FAM47E: variants seen among roughly 807,000 people sequenced by gnomAD.
FAM47E encodes protein FAM47E.
In FAM47E, 32 loss-of-function variants were observed where a neutral mutation model predicts 41.6. That is an observed-to-expected ratio of 0.77 (90% confidence interval 0.58 to 1.03). FAM47E has a LOEUF of 1.03. FAM47E is among the 50% of genes least tolerant of loss of function. The pLI is 0.00. For missense variants in FAM47E, 424 were observed against 485.4 expected, an observed-to-expected ratio of 0.87 and a Z score of 1.19; for synonymous variants, 184 against 188.7, an observed-to-expected ratio of 0.98 and a Z score of 0.20.
At chr4:76,222,359 T>C (rs944843149) in intron 2 of FAM47E, among the ~76,000 whole-genome samples, 2 of 152,168 alleles carry the variant, frequency 1.3e-5, no homozygotes, top group Admixed American at 1.3e-4. Context: ...CCCCAGTAGC[T>C]GGGACTATAG....
chr4:76,218,324 C>T (rs778096418), intron 2 of FAM47E, among the ~76,000 whole-genome samples: 1 of 152,234 alleles, frequency 6.6e-6, no homozygotes, highest in African/African-American at 2.4e-5. Flanking sequence ...GAAAAAATTA[C>T]TCTCTCCTCC....
At chr4:76,280,412 T>G in intron 7 of FAM47E, 71 bp downstream of exon 7, 2 of 904,694 alleles carry the variant, frequency 2.2e-6, no homozygotes, top group Non-Finnish European at 1.7e-6. Flanking sequence ...CGGGAAGAGG[T>G]TATGACCCTG....
intron 2 of FAM47E, among the ~76,000 whole-genome samples, chr4:76,259,956 C>A (rs1394066061): frequency 2.0e-5 from 3 of 152,124 alleles, no homozygotes; most frequent in Non-Finnish European, 2.9e-5. Flanking sequence ...AACTCAATAT[C>A]ATTTACAATT....
chr4:76,254,568 C>T (rs952875450), intron 1 of FAM47E, among the ~76,000 whole-genome samples: 1 of 152,110 alleles, frequency 6.6e-6, no homozygotes, highest in African/African-American at 2.4e-5. Context: ...AAAACAACAC[C>T]TACACATCTA....
At chr4:76,248,049 G>A (rs1426838219), upstream of FAM47E, among the ~76,000 whole-genome samples, 1 of 150,916 alleles carries the variant, frequency 6.6e-6, no homozygotes, top group Non-Finnish European at 1.5e-5. Flanking sequence ...CAAGTAGCTG[G>A]GACTACAGGC....
At chr4:76,251,963 A>G (rs1355282507) in intron 1 of FAM47E, 143 bp downstream of exon 1, 2 of 1,094,998 alleles carry the variant, frequency 1.8e-6, no homozygotes, top group African/African-American at 1.7e-5. Context: ...GTACAACATA[A>G]TACGCTGAGA....
At chr4:76,261,043 G>A (rs1050274519) in intron 2 of FAM47E, among the ~76,000 whole-genome samples, 2 of 149,398 alleles carry the variant, frequency 1.3e-5, no homozygotes, top group Non-Finnish European at 3.0e-5. Flanking sequence ...AGACATACAA[G>A]CAGCCAACAA....
At chr4:76,273,173 G>A (rs1296271167) in intron 5 of FAM47E, among the ~76,000 whole-genome samples, 1 of 152,224 alleles carries the variant, frequency 6.6e-6, no homozygotes, top group Non-Finnish European at 1.5e-5. Context: ...TGTGTACAGT[G>A]TGGATACTCT....
upstream of FAM47E, among the ~76,000 whole-genome samples, chr4:76,249,957 G>A (rs1205003642): frequency 1.3e-5 from 2 of 151,762 alleles, no homozygotes; most frequent in Non-Finnish European, 2.9e-5. Context: ...TCCACTCATC[G>A]ATTGATGGGC....
At chr4:76,215,151 G>C (rs530092058) in intron 1 of FAM47E, among the ~76,000 whole-genome samples, 1 of 152,234 alleles carries the variant, frequency 6.6e-6, no homozygotes, top group Non-Finnish European at 1.5e-5. Flanking sequence ...TCAGGGTATG[G>C]ATTTCAGCAG....
At chr4:76,280,147 A>T (rs2110029652) in intron 6 of FAM47E, 117 bp from the exon 7 acceptor site, 1 of 625,292 alleles carries the variant, frequency 1.6e-6, no homozygotes, top group East Asian at 2.8e-5. Flanking sequence ...CAAAAACAAG[A>T]AGGATATGGG....
intron 2 of FAM47E, among the ~76,000 whole-genome samples, chr4:76,257,649 C>T (rs1734245825): frequency 6.6e-6 from 1 of 152,176 alleles, no homozygotes; most frequent in Admixed American, 6.5e-5. Context: ...GCTCTCTGTT[C>T]TGGTGCCTGA....
At chr4:76,225,820 T>G (rs770402994) in intron 2 of FAM47E, among the ~76,000 whole-genome samples, 4 of 152,228 alleles carry the variant, frequency 2.6e-5, no homozygotes, top group Non-Finnish European at 4.4e-5. Flanking sequence ...TGTTTCCATG[T>G]TCATCAGGGA....
intron 6 of FAM47E, chr4:76,278,616 A>C (rs1245622855): frequency 4.1e-6 from 1 of 244,602 alleles, no homozygotes; most frequent in African/African-American, 2.2e-5. Flanking sequence ...CCTATCAGCT[A>C]TGGGTGAATG....
At chr4:76,246,096 C>G (rs929081585) in intron 2 of FAM47E, among the ~76,000 whole-genome samples, 3 of 152,152 alleles carry the variant, frequency 2.0e-5, no homozygotes, top group African/African-American at 7.2e-5. Context: ...TAGAGAGATT[C>G]TGTGGGTGAG....
intron 5 of FAM47E, among the ~76,000 whole-genome samples, chr4:76,276,157 T>C (rs1220432487): frequency 1.3e-5 from 2 of 152,104 alleles, no homozygotes; most frequent in Non-Finnish European, 2.9e-5. Flanking sequence ...CAAATACTTA[T>C]TAAGCACCCA....
intron 2 of FAM47E, among the ~76,000 whole-genome samples, chr4:76,256,956 C>T (rs180687488): frequency 6.6e-6 from 1 of 152,226 alleles, no homozygotes; most frequent in African/African-American, 2.4e-5. Context: ...AAGAATGAGA[C>T]CAGAAAGGTC....
chr4:76,275,559 T>C (rs1321080209), intron 5 of FAM47E, among the ~76,000 whole-genome samples: 1 of 152,178 alleles, frequency 6.6e-6, no homozygotes, highest in Non-Finnish European at 1.5e-5. Flanking sequence ...CCTGCACTTA[T>C]GGAGATTACA....
chr4:76,250,756 C>T (rs1438017988), upstream of FAM47E, among the ~76,000 whole-genome samples: 1 of 152,108 alleles, frequency 6.6e-6, no homozygotes, highest in African/African-American at 2.4e-5. Flanking sequence ...TAATGATTAC[C>T]TACATAGCTT....
Sources: gnomAD v4.1 joint callset for allele counts (sites outside exome capture counted in the v4.1 genomes callset) on GRCh38, gnomAD v4.1.1 for gene constraint, MANE v1.5 for transcripts, NCBI Gene and HGNC (gene_info 2026-07-23, HGNC 2026-07-21) for gene names.